Variants in MCC observed in about 807,000 individuals in gnomAD.
MCC encodes MCC regulator of Wnt signaling pathway.
Under a neutral mutation model 116.2 loss-of-function variants are expected in MCC, and 90 were observed. The ratio of observed to expected loss-of-function variants is 0.77; its 90% confidence interval spans 0.65 to 0.92. MCC has a LOEUF of 0.92. Among genes scored for constraint, MCC ranks in the 40% least tolerant of loss-of-function variants. The pLI, the probability that MCC is intolerant of heterozygous loss-of-function variation, is 0.00. For synonymous variants in MCC, 578 were observed against 510.5 expected, an observed-to-expected ratio of 1.13 and a Z score of -1.78; for missense variants, 1,516 against 1,312.2, an observed-to-expected ratio of 1.16 and a Z score of -2.40.
chr5:113,432,977 A>G (rs1281422331), intron 1 of MCC: 4 of 152,194 alleles, frequency 2.6e-5, no homozygotes, highest in Non-Finnish European at 5.9e-5. Flanking sequence ...AATAAACTTG[A>G]TGTTAAATCA....
intron 14 of MCC, among the ~76,000 whole-genome samples, chr5:113,056,955 T>C (rs533136737): frequency 6.6e-6 from 1 of 152,154 alleles, no homozygotes; most frequent in Admixed American, 6.5e-5. Context: ...GCGTGGGGAA[T>C]GCAGAGTGGG....
intron 3 of MCC, among the ~76,000 whole-genome samples, chr5:113,225,093 A>C (rs552761540): frequency 1.7e-4 from 26 of 152,312 alleles, no homozygotes; most frequent in South Asian, 6.2e-4. Context: ...TTATCATCCA[A>C]AGCCTTATAT....
At chr5:113,119,761 G>A (rs1047317609) in intron 6 of MCC, among the ~76,000 whole-genome samples, 1 of 152,128 alleles carries the variant, frequency 6.6e-6, no homozygotes, top group Non-Finnish European at 1.5e-5. Flanking sequence ...GGCAGGGAAG[G>A]TCACTCCCCT....
At chr5:113,466,714 G>C (rs1771920562) in intron 1 of MCC, among the ~76,000 whole-genome samples, 1 of 152,238 alleles carries the variant, frequency 6.6e-6, no homozygotes, top group South Asian at 2.1e-4. Context: ...TGGAATGGCT[G>C]GGTCAAATGG....
At chr5:113,432,320 CAAAAAAAAAAAAA>C (rs66577040) in intron 1 of MCC, among the ~76,000 whole-genome samples, 1 of 68,612 alleles carries the variant, frequency 1.5e-5, no homozygotes, top group African/African-American at 4.9e-5. Context: ...GACTCTGTCT[CAAAAAAAAAAAAA>C]AAAAAAAAAA....
intron 1 of MCC, among the ~76,000 whole-genome samples, chr5:113,396,261 G>A (rs1256417332): frequency 6.6e-6 from 1 of 152,148 alleles, no homozygotes; most frequent in African/African-American, 2.4e-5. Context: ...CCAGGAGGTG[G>A]AAGCTGCAGT....
intron 3 of MCC, among the ~76,000 whole-genome samples, chr5:113,278,245 TTC>T (rs1389420867): frequency 6.6e-6 from 1 of 152,180 alleles, no homozygotes. Context: ...TGAGCTTCTA[TTC>T]TCTCACATCA....
At chr5:113,078,181 G>T (rs1028757633) in intron 11 of MCC, among the ~76,000 whole-genome samples, 5 of 152,078 alleles carry the variant, frequency 3.3e-5, no homozygotes, top group African/African-American at 1.2e-4. Context: ...TCAACCAAAA[G>T]AAGTCCAGGA....
chr5:113,270,452 A>G (rs1451729075), intron 3 of MCC, among the ~76,000 whole-genome samples: 8 of 151,900 alleles, frequency 5.3e-5, no homozygotes, highest in African/African-American at 1.9e-4. Context: ...TTTTTAGGAA[A>G]AAAGAGAACC....
chr5:113,191,417 G>C (rs1762145088), intron 3 of MCC, among the ~76,000 whole-genome samples: 1 of 152,192 alleles, frequency 6.6e-6, no homozygotes, highest in South Asian at 2.1e-4. Context: ...TCATTGTGGG[G>C]AAACTGGCCC....
At chr5:113,101,991 G>C in intron 7 of MCC, 46 bp from the exon 8 acceptor site, 2 of 1,587,276 alleles carry the variant, frequency 1.3e-6, no homozygotes, top group Non-Finnish European at 1.7e-6. Context: ...TTACCTTGGA[G>C]AAAGGGGATA....
At chr5:113,176,719 A>T (rs1257206308) in intron 3 of MCC, among the ~76,000 whole-genome samples, 2 of 152,194 alleles carry the variant, frequency 1.3e-5, no homozygotes, top group African/African-American at 4.8e-5. Context: ...CCATGAGCCA[A>T]GTTCTACAGG....
chr5:113,067,965 T>G (rs1265567269), intron 13 of MCC, 115 bp downstream of exon 13: 1 of 888,362 alleles, frequency 1.1e-6, no homozygotes, highest in African/African-American at 1.7e-5. Flanking sequence ...AAAACACACT[T>G]GACAACCAAA....
At chr5:113,206,400 T>C (rs1258055565) in intron 3 of MCC, among the ~76,000 whole-genome samples, 1 of 152,210 alleles carries the variant, frequency 6.6e-6, no homozygotes, top group Non-Finnish European at 1.5e-5. Flanking sequence ...CCTTTCCTTA[T>C]GCAAATTATT....
intron 14 of MCC, among the ~76,000 whole-genome samples, chr5:113,061,722 C>T (rs567358745): frequency 7.9e-5 from 12 of 152,170 alleles, no homozygotes; most frequent in Admixed American, 2.0e-4. Context: ...CAATACTCAG[C>T]GTTTCTTTCC....
At chr5:113,247,725 T>C (rs933147893) in intron 3 of MCC, among the ~76,000 whole-genome samples, 4 of 152,102 alleles carry the variant, frequency 2.6e-5, no homozygotes, top group Admixed American at 1.3e-4. Flanking sequence ...AAAGGAAAAG[T>C]AAATGGGATT....
chr5:113,195,725 C>T (rs1208058573), intron 3 of MCC, among the ~76,000 whole-genome samples: 5 of 152,216 alleles, frequency 3.3e-5, no homozygotes, highest in Non-Finnish European at 7.3e-5. Flanking sequence ...TGTTTGCTAA[C>T]AGTTGAAGAT....
chr5:113,204,376 G>A (rs1042891522), intron 3 of MCC: 1 of 152,026 alleles, frequency 6.6e-6, no homozygotes, highest in African/African-American at 2.4e-5. Context: ...AAAACTGTGT[G>A]GATAGCTAGT....
At position 113,274,139 on chromosome 5, in the gene MCC, C is replaced by G. The variant is rs115922401; in HGVS notation, c.627+66380G>C. 3.9e-5 allele frequency among the ~76,000 whole-genome samples: 6 copies of G among 152,320 alleles called. No individual in the cohort carries two copies. The East Asian group carries it at 1.2e-3, about 29-fold the overall frequency. ...CCACACAGGGGATTTACTTCAGTCA[C>G]GCCATCAGACAGTACCACTTCCTGT... is the stretch of plus-strand genomic sequence containing the variant. On this transcript the variant is annotated intron_variant, in intron 3 of 18. Coordinates refer to ENST00000408903, the MANE Select transcript of MCC (RefSeq NM_001085377.2).
Sources: allele counts gnomAD v4.1 joint callset (sites outside exome capture counted in the v4.1 genomes callset), GRCh38; gene constraint gnomAD v4.1.1; transcripts MANE v1.5; gene names NCBI Gene and HGNC (gene_info 2026-07-23, HGNC 2026-07-21).